The following CASP14 variants were observed in gnomAD, a reference collection of about 807,000 sequenced individuals.
CASP14 encodes caspase 14, also known as caspase-14.
In CASP14, 27 loss-of-function variants were observed where a neutral mutation model predicts 28.4. That is an observed-to-expected ratio of 0.95 (90% CI 0.70 to 1.31). The LOEUF (loss-of-function observed/expected upper bound fraction) is 1.31, where lower values mean the gene tolerates loss of function less well. Ranked by LOEUF, CASP14 falls within the 50% of genes most tolerant of loss-of-function variation. The probability of loss-of-function intolerance (pLI) is 0.00; values close to 1 mark genes in which losing one functional copy is unlikely to be tolerated. For synonymous variants in CASP14, 115 were observed against 118.6 expected (o/e 0.97, Z 0.20); for missense variants, 323 against 312.8 (o/e 1.03, Z -0.25).
In CASP14 at chr19:15,053,550, C is replaced by G; in HGVS notation, c.96C>G (p.Ser32=). 1 of 1,614,116 alleles carries G rather than the reference C, an allele frequency of 6.2e-7. No homozygotes were observed. Among genetic ancestry groups the G allele is most frequent in the Non-Finnish European group, 8.5e-7 (1 of 1,180,036 alleles). Residue 32 remains serine (S), a synonymous_variant, in exon 3 of 7, where the codon TCC becomes TCG. Coordinates refer to ENST00000427043, the MANE Select transcript of CASP14 (RefSeq NM_012114.3). ...ILCVTKAREG[S]EEDLDALEHM... is the part of the protein sequence containing the mutation. ...GTGTCACCAAAGCCCGGGAAGGTTC[C>G]GAAGAAGACCTGGATGCTCTGGAAC...
intron 1 of CASP14, among the ~76,000 whole-genome samples, chr19:15,051,993 C>T (rs2046093183): frequency 6.6e-6 from 1 of 152,048 alleles, no homozygotes; most frequent in African/African-American, 2.4e-5. Context: ...AAGAAGACAT[C>T]CAGAAATGGA....
chr19:15,055,909 C>G (rs2046114870), intron 6 of CASP14, 76 bp from the exon 7 acceptor site: 2 of 1,122,260 alleles, frequency 1.8e-6, no homozygotes, highest in Non-Finnish European at 2.6e-6. Context: ...GAATACCCAC[C>G]TGCCCCGTTC....
chr19:15,056,203 C>A lies in CASP14; in HGVS notation c.*114C>A. ...TCTGTTCCCAAGGCCAAATGGCACCCAGTTTCTTTTCCATCACACCCTTCA... is the reference window on the plus strand; with the variant it reads ...TCTGTTCCCAAGGCCAAATGGCACCAAGTTTCTTTTCCATCACACCCTTCA... On this transcript the variant is annotated 3_prime_UTR_variant, in exon 7 of 7. Transcript: ENST00000427043. 2 of 820,964 alleles carry A rather than the reference C, an allele frequency of 2.4e-6. No homozygotes were observed. The highest frequency in any genetic ancestry group is 3.9e-6 in the Non-Finnish European group (2 of 506,996). The allele number at this position is 820,964 out of a possible 1,614,324, so 50.9% of individuals were successfully genotyped here.
Position 15,053,778 on chromosome 19 carries a change from C to G in CASP14, c.223C>G (p.Arg75Gly), listed in dbSNP as rs375587132. Residue 75 changes from arginine to glycine, a missense_variant, in exon 4 of 7, where the codon CGG becomes GGG. Transcript: ENST00000427043. Reference protein sequence around the residue: ...LEKFQQAIDSREDPVSCAFVV... With the variant: ...LEKFQQAIDSGEDPVSCAFVV... The stretch of plus-strand genomic sequence containing the variant: ...AAAATTCCAGCAGGCCATCGATTCC[C>G]GGGAAGATCCCGTCAGTTGTGCCTT... 1.9e-6 allele frequency: 3 copies of G among 1,613,968 alleles called. No homozygotes were observed. Among genetic ancestry groups the G allele is most frequent in the Non-Finnish European group, 1.7e-6 (2 of 1,179,922 alleles).
In CASP14 at chr19:15,052,194, C is replaced by T. The variant is rs980533458; in HGVS notation, c.-46-12C>T. ...TTTAGAGAACTTTAACCTATCTTCT[C>T]TTGACTCCAAGGATCAGACAAGGGT... On this transcript the variant is annotated splice_polypyrimidine_tract_variant and intron_variant, in intron 1 of 6. Transcript: ENST00000427043. 12 of 1,558,238 alleles carry T rather than the reference C, an allele frequency of 7.7e-6. No homozygotes were observed. The African/African-American group carries it at 1.5e-4, about 20-fold the overall frequency.
intron 2 of CASP14, 68 bp from the exon 3 acceptor site, chr19:15,053,414 C>T: frequency 6.3e-7 from 1 of 1,594,078 alleles, no homozygotes; most frequent in African/African-American, 1.3e-5. Flanking sequence ...AGCCTGCATG[C>T]CTCTTTTGAC....
At chr19:15,052,597 G>T (rs2046095980) in intron 2 of CASP14, among the ~76,000 whole-genome samples, 1 of 152,146 alleles carries the variant, frequency 6.6e-6, no homozygotes, top group Non-Finnish European at 1.5e-5. Context: ...CCACTGGGGT[G>T]CTCAGTACGC....
At chr19:15,052,011 G>A (rs145052204) in intron 1 of CASP14, among the ~76,000 whole-genome samples, 195 bp from the exon 2 acceptor site, 9 of 152,238 alleles carry the variant, frequency 5.9e-5, no homozygotes, top group East Asian at 3.9e-4. Flanking sequence ...GGAAGACATC[G>A]TGAAATTGTC....
chr19:15,054,640 C>CT (rs796422997), intron 4 of CASP14, among the ~76,000 whole-genome samples: 1,504 of 122,104 alleles, frequency 0.012, 14 homozygotes, highest in Non-Finnish European at 0.02. Flanking sequence ...CAAAAGCATC[C>CT]TTTTTTTTTT....
In CASP14 at chr19:15,055,988, AC is replaced by A; in HGVS notation, c.631del (p.Arg211GlyfsTer87). 1 of 1,604,784 alleles carries A rather than the reference AC, an allele frequency of 6.2e-7. No homozygotes were observed. Among genetic ancestry groups the A allele is most frequent in the Non-Finnish European group, 8.5e-7 (1 of 1,175,388 alleles). ...CTCACCACACCTGTTGCTGCAGGTGACCCGGCGGATGGCAGAAGCAGAGCTG... is the reference window on the plus strand; with the variant it reads ...CTCACCACACCTGTTGCTGCAGGTGACCGGCGGATGGCAGAAGCAGAGCTG... The part of the protein sequence containing the change: ...GHILELLTEV[T>X]RRMAEAELVQ... On this transcript the variant is annotated frameshift_variant, in exon 7 of 7. Coordinates refer to ENST00000427043, the MANE Select transcript of CASP14 (RefSeq NM_012114.3). LOFTEE classifies it high-confidence loss of function.
At chr19:15,055,069 C>T (rs774907669) in intron 4 of CASP14, 89 bp from the exon 5 acceptor site, 5 of 951,572 alleles carry the variant, frequency 5.3e-6, no homozygotes, top group Non-Finnish European at 8.4e-6. Flanking sequence ...CCCCCCAAAA[C>T]ACTGGGAATA....
At chr19:15,052,380 C>T (rs1461481996) in intron 2 of CASP14, 102 bp downstream of exon 2, 1 of 1,173,412 alleles carries the variant, frequency 8.5e-7, no homozygotes, top group Non-Finnish European at 1.2e-6. Context: ...AAATCATGAT[C>T]TGAACTCAGA....
chr19:15,054,356 T>C (rs1398449074), intron 4 of CASP14, among the ~76,000 whole-genome samples: 1 of 152,164 alleles, frequency 6.6e-6, no homozygotes. Context: ...GGCGGGAAGA[T>C]TTTTTGAGGC....
At chr19:15,051,073 T>C (rs534516825) in intron 1 of CASP14, among the ~76,000 whole-genome samples, 5 of 151,748 alleles carry the variant, frequency 3.3e-5, no homozygotes, top group South Asian at 2.1e-4. Flanking sequence ...GGTAGATGGA[T>C]AGATGAATGA....
chr19:15,053,700 C>T (rs1360945216), intron 3 of CASP14, 33 bp from the exon 4 acceptor site: 2 of 1,612,582 alleles, frequency 1.2e-6, no homozygotes, highest in Non-Finnish European at 1.7e-6. Flanking sequence ...GCTATGGGGA[C>T]CCAGCTGAGT....
chr19:15,054,863 A>T, intron 4 of CASP14: 1 of 268,420 alleles, frequency 3.7e-6, no homozygotes, highest in Non-Finnish European at 7.2e-6. Context: ...CTGGTCTCAA[A>T]CTCCTGACCT....
chr19:15,056,312 G>T lies in CASP14; in HGVS notation c.*223G>T. On this transcript the variant is annotated 3_prime_UTR_variant, in exon 7 of 7. Coordinates refer to ENST00000427043, the MANE Select transcript of CASP14 (RefSeq NM_012114.3). ...GGCAACATTAACATCACCTCCCTCA[G>T]GCTGGACTTTCTATCTTTATTAATG... is the stretch of plus-strand genomic sequence containing the variant. The T allele has an allele frequency of 2.2e-6, 1 of 446,876 alleles. No homozygotes were observed. 27.7% of individuals were successfully genotyped at this position (446,876 alleles called of 1,614,324 possible). A position where few individuals can be genotyped will look rare whatever the true frequency, so the allele number is the denominator to read the frequency against.
intron 4 of CASP14, 24 bp downstream of exon 4, chr19:15,053,982 G>A (rs1460546084): frequency 6.3e-7 from 1 of 1,586,976 alleles, no homozygotes. Context: ...CAAGAGCACA[G>A]AGTCTGTGGT....
At chr19:15,054,106 T>C in intron 4 of CASP14, 148 bp downstream of exon 4, 1 of 668,856 alleles carries the variant, frequency 1.5e-6, no homozygotes, top group Non-Finnish European at 2.5e-6. Flanking sequence ...TGCCTCAGCC[T>C]CCTGAGTAGC....
Sources: allele counts gnomAD v4.1 joint callset (sites outside exome capture counted in the v4.1 genomes callset), GRCh38; gene constraint gnomAD v4.1.1; transcripts MANE v1.5; gene names NCBI Gene and HGNC (gene_info 2026-07-23, HGNC 2026-07-21).